PCDHGB6: variants seen among roughly 807,000 people sequenced by gnomAD.
PCDHGB6 encodes the protein protocadherin gamma-B6.
Under a neutral mutation model 59.1 loss-of-function variants are expected in PCDHGB6, and 51 were observed. The observed-to-expected ratio is 0.86, with a 90% CI of 0.69 to 1.09. PCDHGB6 has a LOEUF of 1.09. Ranked by LOEUF, PCDHGB6 falls within the 50% of genes least tolerant of loss-of-function variation. The probability of loss-of-function intolerance (pLI) is 0.00; values close to 1 mark genes in which losing one functional copy is unlikely to be tolerated. For missense variants in PCDHGB6, 1,148 were observed against 1,205.1 expected (o/e 0.95, Z 0.70); for synonymous variants, 466 against 495.1 (o/e 0.94, Z 0.78).
intron 1 of PCDHGB6, chr5:141,415,428 G>C (rs948747218): frequency 1.2e-6 from 2 of 1,614,088 alleles, no homozygotes; most frequent in Non-Finnish European, 1.7e-6. Context: ...ACGGGGTTCG[G>C]GCTTTCCTGC....
At chr5:141,410,715 G>C (rs1237496496) in intron 1 of PCDHGB6, 95 bp downstream of exon 1, 1 of 1,422,664 alleles carries the variant, frequency 7.0e-7, no homozygotes, top group Non-Finnish European at 9.4e-7. Context: ...AGAATCATAT[G>C]TTTAAAATCC....
intron 1 of PCDHGB6, among the ~76,000 whole-genome samples, chr5:141,467,075 C>A (rs2099136382): frequency 6.9e-6 from 1 of 145,470 alleles, no homozygotes; most frequent in Non-Finnish European, 1.5e-5. Flanking sequence ...TTTTTTTAGA[C>A]CAAGTCTCAC....
At chr5:141,500,615 A>G (rs1341597957) in intron 2 of PCDHGB6, among the ~76,000 whole-genome samples, 1 of 152,232 alleles carries the variant, frequency 6.6e-6, no homozygotes, top group East Asian at 1.9e-4. Flanking sequence ...ATTCCCAGTC[A>G]TACGGTACAT....
chr5:141,494,736 T>A, intron 1 of PCDHGB6, 71 bp from the exon 2 acceptor site: 2 of 1,611,858 alleles, frequency 1.2e-6, no homozygotes, highest in Non-Finnish European at 1.7e-6. Flanking sequence ...TCCCGGCCCA[T>A]CCCTAGGGGC....
chr5:141,471,046 CTTTTT>C (rs1170588345), intron 1 of PCDHGB6, among the ~76,000 whole-genome samples: 2 of 113,276 alleles, frequency 1.8e-5, no homozygotes, highest in Non-Finnish European at 3.6e-5. Context: ...CCCAAGCCCT[CTTTTT>C]TTTTTTTTTT....
At chr5:141,436,764 A>G (rs1248797699) in intron 1 of PCDHGB6, among the ~76,000 whole-genome samples, 1 of 152,214 alleles carries the variant, frequency 6.6e-6, no homozygotes, top group East Asian at 1.9e-4. Flanking sequence ...GGTATAATGG[A>G]ATGATTTGTG....
In PCDHGB6 at chr5:141,409,481, A is replaced by G. The variant is rs1589715212; in HGVS notation, c.1279A>G (p.Arg427Gly). The G allele has an allele frequency of 6.2e-7, 1 of 1,613,968 alleles. No homozygotes were observed. The highest frequency in any genetic ancestry group is 8.5e-7 in the Non-Finnish European group (1 of 1,179,892). ...CAATGTCACCATCGTAGCCACTGAC[A>G]GGGGCAAGCCGCCTCTTTCTTCCAG... Reference protein sequence around the residue: ...EYNVTIVATDRGKPPLSSSRS... With the variant: ...EYNVTIVATDGGKPPLSSSRS... Residue 427 changes from arginine (R) to glycine (G), a missense_variant, in exon 1 of 4, where the codon AGG becomes GGG. Transcript: ENST00000520790.
In PCDHGB6 at chr5:141,511,033, C is replaced by T. The variant is rs1185153127; in HGVS notation, c.2653C>T (p.His885Tyr). 6.2e-7 allele frequency: 1 copy of T among 1,614,202 alleles called. No individual in the cohort carries two copies. The highest frequency in any genetic ancestry group is 1.7e-5 in the Admixed American group (1 of 60,032). ...CTACGGACCCCAGTTCACCCTGCAG[C>T]ACGTGCCCGACTACCGCCAGAATGT... ...ARYGPQFTLQ[H>Y]VPDYRQNVYI... Residue 885 changes from histidine to tyrosine, a missense_variant, in exon 4 of 4, where the codon CAC becomes TAC. His to Tyr is a moderately conservative substitution (Grantham distance 83). Coordinates refer to ENST00000520790, the MANE Select transcript of PCDHGB6 (RefSeq NM_018926.3).
At chr5:141,413,767 C>A in intron 1 of PCDHGB6, 1 of 1,612,972 alleles carries the variant, frequency 6.2e-7, no homozygotes, top group South Asian at 1.1e-5. Flanking sequence ...GTACCCGGAG[C>A]TGGTACTGGA....
chr5:141,487,001 C>T lies in PCDHGB6; in HGVS notation c.2419-7806C>T. ...TTACAATGCTTGGGTTTCCTATCAG[C>T]TCCTGGAGGCCCCAGATCCCAGCCT... On this transcript the variant is annotated intron_variant, in intron 1 of 3. Transcript: ENST00000520790. This position sits in a 1 kb window ranked among gnomAD's most constrained non-coding sequence, Gnocchi z 5.0. 6.2e-7 allele frequency: 1 copy of T among 1,614,218 alleles called. No individual in the cohort carries two copies. The highest frequency in any genetic ancestry group is 8.5e-7 in the Non-Finnish European group (1 of 1,180,038).
chr5:141,425,794 G>A (rs915736198), intron 1 of PCDHGB6, among the ~76,000 whole-genome samples: 23 of 152,074 alleles, frequency 1.5e-4, no homozygotes, highest in Non-Finnish European at 2.2e-4. Context: ...CTTCCAATAT[G>A]TGCATTGCTT....
intron 1 of PCDHGB6, among the ~76,000 whole-genome samples, chr5:141,444,152 ATTTTTTTTTTTTTTTTTTTTT>A (rs747671382): frequency 8.9e-5 from 3 of 33,882 alleles, no homozygotes; most frequent in Admixed American, 3.9e-4. Context: ...TGTGTACTGG[ATTTTTTTTTTTTTTTTTTTTT>A]TTTTTTTTTT....
chr5:141,429,573 T>G (rs1026656206), intron 1 of PCDHGB6, among the ~76,000 whole-genome samples: 3 of 152,206 alleles, frequency 2.0e-5, no homozygotes, highest in Non-Finnish European at 4.4e-5. Context: ...TCAGTTACAT[T>G]TACTTTTGAT....
intron 1 of PCDHGB6, chr5:141,441,139 G>C (rs1000704603): frequency 6.6e-6 from 1 of 152,172 alleles, no homozygotes; most frequent in African/African-American, 2.4e-5. Context: ...ATTTCTAGAA[G>C]ATAATGACAA....
rs190948188 is a variant in PCDHGB6 at position 141,505,972 on chromosome 5, C to T, written c.2566+491C>T. Among the ~76,000 whole-genome samples the T allele has an allele frequency of 5.4e-4, 82 of 152,250 alleles. 1 individual carries two copies. The highest frequency in any genetic ancestry group is 1.9e-3 in the African/African-American group (79 of 41,558). ...GAAAGTGGGTGTAGAAATCCCCAGC[C>T]GAGAGAACACCTCCTCTTTATGCGA... On this transcript the variant is annotated intron_variant, in intron 3 of 3. Transcript: ENST00000520790.
chr5:141,432,584 C>T lies in PCDHGB6; in HGVS notation c.2418+21964C>T, dbSNP rs762935149. The T allele has an allele frequency of 2.3e-5, 37 of 1,613,854 alleles. No individual in the cohort carries two copies. The highest frequency in any genetic ancestry group is 3.3e-4 in the Middle Eastern group (2 of 6,018). On this transcript the variant is annotated intron_variant, in intron 1 of 3. Coordinates refer to ENST00000520790, the MANE Select transcript of PCDHGB6 (RefSeq NM_018926.3). The surrounding 1 kb of genome is among the most constrained non-coding windows in gnomAD (Gnocchi z 6.0). ...GAACGCCTGGCTGTCCTACCGTCTG[C>T]TCAAGGCCAGCGAGCCGGGACTCTT...
chr5:141,476,421 C>G lies in PCDHGB6; in HGVS notation c.2419-18386C>G. 1 of 1,614,026 alleles carries G rather than the reference C, an allele frequency of 6.2e-7. No homozygotes were observed. Among genetic ancestry groups the G allele is most frequent in the South Asian group, 1.1e-5 (1 of 91,066 alleles). On this transcript the variant is annotated intron_variant, in intron 1 of 3. Transcript: ENST00000520790. The surrounding 1 kb of genome is among the most constrained non-coding windows in gnomAD (Gnocchi z 7.6). ...CGAGAGGAGCTGTGTGGGACACTGC[C>G]CTCTTGCACTGTAACTCTGGAGTTG...
At chr5:141,496,268 G>T (rs1237681971) in intron 2 of PCDHGB6, among the ~76,000 whole-genome samples, 1 of 152,208 alleles carries the variant, frequency 6.6e-6, no homozygotes, top group Non-Finnish European at 1.5e-5. Flanking sequence ...TCAGCAGAAA[G>T]ACCTTCAGTT....
chr5:141,435,929 G>A (rs926025053), intron 1 of PCDHGB6, among the ~76,000 whole-genome samples: 10 of 152,134 alleles, frequency 6.6e-5, no homozygotes, highest in African/African-American at 2.4e-4. Flanking sequence ...TGCGGCAGTT[G>A]CTGCTTCTGA....
Sources: gnomAD v4.1 joint callset for allele counts (sites outside exome capture counted in the v4.1 genomes callset) on GRCh38, gnomAD v4.1.1 for gene constraint, Gnocchi (gnomAD v3.1) non-coding constraint, MANE v1.5 for transcripts, NCBI Gene and HGNC (gene_info 2026-07-23, HGNC 2026-07-21) for gene names.